Variants in RRAS2 observed in about 807,000 individuals in gnomAD.
RRAS2 encodes the protein ras-related protein R-Ras2.
Under a neutral mutation model 27.6 loss-of-function variants are expected in RRAS2, and 7 were observed. That is an observed-to-expected ratio of 0.25 (90% CI 0.14 to 0.48). The LOEUF (loss-of-function observed/expected upper bound fraction) is 0.48, where lower values mean the gene tolerates loss of function less well. Among genes scored for constraint, RRAS2 ranks in the 20% least tolerant of loss-of-function variants. The pLI is 0.99. For synonymous variants in RRAS2, 86 were observed against 90.9 expected (o/e 0.95, Z 0.31); for missense variants, 178 against 256.2 (o/e 0.69, Z 2.08).
intron 1 of RRAS2, among the ~76,000 whole-genome samples, chr11:14,306,648 T>C (rs1554948119): frequency 1.3e-5 from 2 of 152,126 alleles, no homozygotes. Flanking sequence ...ATCAATCAGT[T>C]GTACTAGCCT....
chr11:14,324,722 G>C (rs1304855468), intron 1 of RRAS2, among the ~76,000 whole-genome samples: 1 of 152,232 alleles, frequency 6.6e-6, no homozygotes, highest in Non-Finnish European at 1.5e-5. Context: ...TGTGCTGAAT[G>C]AATTTTTGAA....
At chr11:14,291,390 G>C (rs1462028734) in intron 4 of RRAS2, among the ~76,000 whole-genome samples, 1 of 152,132 alleles carries the variant, frequency 6.6e-6, no homozygotes, top group Non-Finnish European at 1.5e-5. Flanking sequence ...AAAGCATAAG[G>C]AGGAATAAAA....
intron 1 of RRAS2, among the ~76,000 whole-genome samples, chr11:14,302,102 ACACACAC>A (rs1847726763): frequency 6.6e-6 from 1 of 151,432 alleles, no homozygotes; most frequent in Non-Finnish European, 1.5e-5. Context: ...ACACACACAC[ACACACAC>A]ACCAAAAACC....
chr11:14,325,405 G>C (rs966979184), intron 1 of RRAS2, among the ~76,000 whole-genome samples: 1 of 150,706 alleles, frequency 6.6e-6, no homozygotes, highest in Non-Finnish European at 1.5e-5. Flanking sequence ...TCTGCCTCCC[G>C]GGTTCATGCC....
Position 14,305,915 on chromosome 11 carries a change from C to T in RRAS2, c.109-10060G>A, listed in dbSNP as rs545347476. Among the ~76,000 whole-genome samples the T allele has an allele frequency of 3.0e-4, 45 of 152,104 alleles. 1 individual carries two copies. The highest frequency in any genetic ancestry group is 3.9e-4 in the East Asian group (2 of 5,174). The stretch of plus-strand genomic sequence containing the variant: ...TAAAAATTAGTCAGATGTGGTGGTG[C>T]GTAACTGTAGTCCCAGCTATGTGAG... On this transcript the variant is annotated intron_variant, in intron 1 of 5. Transcript: ENST00000256196.
chr11:14,293,669 C>T (rs559976424), intron 4 of RRAS2, among the ~76,000 whole-genome samples: 3 of 152,260 alleles, frequency 2.0e-5, no homozygotes, highest in Admixed American at 6.5e-5. Flanking sequence ...CTTCGCCTTC[C>T]GCCATGACTG....
intron 1 of RRAS2, among the ~76,000 whole-genome samples, chr11:14,297,835 A>AT (rs1554946860): frequency 6.6e-6 from 1 of 152,134 alleles, no homozygotes; most frequent in East Asian, 1.9e-4. Context: ...CTATAATCCT[A>AT]TTTGTTTTTT....
intron 1 of RRAS2, among the ~76,000 whole-genome samples, chr11:14,325,143 G>A (rs183124562): frequency 6.1e-4 from 93 of 152,142 alleles, no homozygotes; most frequent in Admixed American, 2.4e-3. Flanking sequence ...AGCTATCATC[G>A]TATCTGAGCC....
intron 1 of RRAS2, chr11:14,341,912 A>C: frequency 2.3e-6 from 1 of 443,808 alleles, no homozygotes; most frequent in Non-Finnish European, 4.5e-6. Context: ...AGAGGTAATC[A>C]ATATCCTGAA....
chr11:14,299,370 CAGTT>C (rs1453912992), intron 1 of RRAS2, among the ~76,000 whole-genome samples: 1 of 152,148 alleles, frequency 6.6e-6, no homozygotes, highest in African/African-American at 2.4e-5. Flanking sequence ...AGCAACTACA[CAGTT>C]AATTTACATA....
Position 14,333,485 on chromosome 11 carries a change from AAAACAAAAATAATT to A in RRAS2, c.108+25264_108+25277del, listed in dbSNP as rs150723370. Among the ~76,000 whole-genome samples, 577 of 152,352 alleles carry A rather than the reference AAAACAAAAATAATT, an allele frequency of 3.8e-3. 2 individuals carry two copies. The highest frequency in any genetic ancestry group is 0.013 in the African/African-American group (532 of 41,576). On this transcript the variant is annotated intron_variant, in intron 1 of 5. Transcript: ENST00000256196. ...AGAAAATCCAGACACAGAAAAGAAA[AAAACAAAAATAATT>A]AAAATCATCCATAATTCCACCATCT...
At chr11:14,299,993 C>T (rs954257381) in intron 1 of RRAS2, among the ~76,000 whole-genome samples, 6 of 151,964 alleles carry the variant, frequency 3.9e-5, no homozygotes, top group Non-Finnish European at 8.8e-5. Flanking sequence ...AAAAAGTTAC[C>T]AACCACAGCC....
At chr11:14,350,543 C>CT (rs1848927508) in intron 1 of RRAS2, among the ~76,000 whole-genome samples, 1 of 152,134 alleles carries the variant, frequency 6.6e-6, no homozygotes, top group Admixed American at 6.5e-5. Context: ...TGCAAAAACT[C>CT]TAAGCCAACA....
chr11:14,333,716 C>T (rs1554952197), intron 1 of RRAS2, among the ~76,000 whole-genome samples: 1 of 146,232 alleles, frequency 6.8e-6, no homozygotes, highest in African/African-American at 2.5e-5. Context: ...GATCACAGCT[C>T]ACTGCAACCT....
At chr11:14,283,604 T>G (rs1223458753) in intron 4 of RRAS2, among the ~76,000 whole-genome samples, 2 of 152,224 alleles carry the variant, frequency 1.3e-5, no homozygotes, top group African/African-American at 4.8e-5. Context: ...ACTACTGATA[T>G]TATCTTTTTT....
At chr11:14,302,242 C>A (rs554712150) in intron 1 of RRAS2, among the ~76,000 whole-genome samples, 2 of 152,256 alleles carry the variant, frequency 1.3e-5, no homozygotes, top group Non-Finnish European at 1.5e-5. Context: ...TTCTGTGATT[C>A]TCTGCTCCCT....
intron 1 of RRAS2, among the ~76,000 whole-genome samples, chr11:14,330,877 G>A (rs540788076): frequency 6.6e-6 from 1 of 152,296 alleles, no homozygotes; most frequent in Non-Finnish European, 1.5e-5. Context: ...ATCAACAATA[G>A]GAGTAACTAT....
chr11:14,335,236 C>T (rs1848566590), intron 1 of RRAS2, among the ~76,000 whole-genome samples: 1 of 152,188 alleles, frequency 6.6e-6, no homozygotes. Flanking sequence ...CAGAGTCCCA[C>T]CTTGAGCCGG....
chr11:14,327,304 A>T (rs2134005252), intron 1 of RRAS2, among the ~76,000 whole-genome samples: 1 of 152,356 alleles, frequency 6.6e-6, no homozygotes, highest in South Asian at 2.1e-4. Flanking sequence ...AGCTGAAGAG[A>T]GGATGGTCAA....
Sources: gnomAD v4.1 joint callset for allele counts (sites outside exome capture counted in the v4.1 genomes callset) on GRCh38, gnomAD v4.1.1 for gene constraint, MANE v1.5 for transcripts, NCBI Gene and HGNC (gene_info 2026-07-23, HGNC 2026-07-21) for gene names.